Variants in DSE observed in about 807,000 individuals in gnomAD.
The protein encoded by DSE is dermatan-sulfate epimerase.
A neutral mutation model predicts 84.4 loss-of-function variants in DSE; 36 were observed. That is an observed-to-expected ratio of 0.43 (90% CI 0.33 to 0.56). The LOEUF (loss-of-function observed/expected upper bound fraction) is 0.56. Ranked by LOEUF, DSE falls within the 20% of genes least tolerant of loss-of-function variation. DSE has a pLI of 0.06. For synonymous variants in DSE, 410 were observed against 430.1 expected (o/e 0.95, Z 0.58); for missense variants, 862 against 1,169.6 (o/e 0.74, Z 3.84).
At chr6:116,265,687 C>T (rs1181240208) in intron 2 of DSE, among the ~76,000 whole-genome samples, 1 of 152,078 alleles carries the variant, frequency 6.6e-6, no homozygotes, top group Non-Finnish European at 1.5e-5. Flanking sequence ...CAGGAATGGC[C>T]AGGCTGGGGC....
intron 2 of DSE, among the ~76,000 whole-genome samples, chr6:116,346,821 A>C (rs1778007071): frequency 6.6e-6 from 1 of 152,228 alleles, no homozygotes; most frequent in African/African-American, 2.4e-5. Flanking sequence ...GAAAAGAGGA[A>C]GTCAAATTGT....
intron 2 of DSE, among the ~76,000 whole-genome samples, chr6:116,259,783 C>T (rs1009693590): frequency 1.3e-5 from 2 of 152,154 alleles, no homozygotes; most frequent in Non-Finnish European, 2.9e-5. Flanking sequence ...AGATAATGGC[C>T]TACAGCTCCA....
chr6:116,342,317 T>A (rs572241033), intron 2 of DSE, among the ~76,000 whole-genome samples: 11 of 148,626 alleles, frequency 7.4e-5, no homozygotes, highest in African/African-American at 2.7e-4. Context: ...TCTTGCTCTC[T>A]TGCCCAGAGC....
Position 116,371,023 on chromosome 6 carries a change from G to T in DSE, c.-152G>T, listed in dbSNP as rs1419188005. 7 of 985,628 alleles carry T rather than the reference G, an allele frequency of 7.1e-6. No homozygotes were observed. Among genetic ancestry groups the T allele is most frequent in the Non-Finnish European group, 8.4e-6 (7 of 830,262 alleles). 61.1% of individuals were successfully genotyped at this position (985,628 alleles called of 1,614,324 possible). A position where few individuals can be genotyped will look rare whatever the true frequency, so the allele number is the denominator to read the frequency against. ...GGGCGCGGAGGGCTCGGTTCGGAGG[G>T]GGCCGGGAGCCCGGGCGCCCTGGAG... On this transcript the variant is annotated 5_prime_UTR_variant, in exon 1 of 6. Coordinates refer to ENST00000644252, the MANE Select transcript of DSE (RefSeq NM_013352.4).
At chr6:116,342,364 C>A (rs1169264304) in intron 2 of DSE, among the ~76,000 whole-genome samples, 1 of 151,356 alleles carries the variant, frequency 6.6e-6, no homozygotes, top group East Asian at 1.9e-4. Context: ...CACTGCAAGC[C>A]TCTGCCTCCC....
At chr6:116,351,845 T>C (rs1307084879) in intron 2 of DSE, among the ~76,000 whole-genome samples, 1 of 152,222 alleles carries the variant, frequency 6.6e-6, no homozygotes, top group East Asian at 1.9e-4. Flanking sequence ...GAAAGCTCCC[T>C]GGTGAACTAT....
At chr6:116,298,915 G>A (rs1005708042) in intron 2 of DSE, among the ~76,000 whole-genome samples, 3 of 152,106 alleles carry the variant, frequency 2.0e-5, no homozygotes, top group African/African-American at 7.2e-5. Context: ...AATCGTTTTG[G>A]ATACCTCAGG....
intron 2 of DSE, chr6:116,400,411 A>C (rs1462644606): frequency 6.6e-6 from 1 of 152,216 alleles, no homozygotes; most frequent in East Asian, 1.9e-4. Context: ...ATTGCAATAA[A>C]AGAATTTACA....
chr6:116,270,190 T>C (rs1562192825), intron 2 of DSE, among the ~76,000 whole-genome samples: 1 of 152,176 alleles, frequency 6.6e-6, no homozygotes, highest in Non-Finnish European at 1.5e-5. Context: ...TTGCCTAATA[T>C]ACTCAGTGCT....
intron 1 of DSE, among the ~76,000 whole-genome samples, chr6:116,377,910 C>T (rs1281894080): frequency 1.3e-5 from 2 of 152,126 alleles, no homozygotes; most frequent in African/African-American, 2.4e-5. Flanking sequence ...TCTAGAATTT[C>T]ACAAATTCTG....
At chr6:116,279,736 T>C in intron 2 of DSE, 2 of 1,611,916 alleles carry the variant, frequency 1.2e-6, no homozygotes, top group Non-Finnish European at 1.7e-6. Context: ...CCTCAGGTAC[T>C]GGTGTGCGTC....
chr6:116,302,487 GTTT>G (rs1351865802), intron 2 of DSE, among the ~76,000 whole-genome samples: 1 of 151,886 alleles, frequency 6.6e-6, no homozygotes, highest in African/African-American at 2.4e-5. Context: ...GGGGTTGTTT[GTTT>G]TTTTCTTGTA....
chr6:116,410,259 T>C (rs1301089629), intron 2 of DSE, among the ~76,000 whole-genome samples: 5 of 152,198 alleles, frequency 3.3e-5, no homozygotes, highest in African/African-American at 4.8e-5. Context: ...AGTCACTCCC[T>C]GAAGCCCCTT....
chr6:116,354,733 A>C (rs1286206799), intron 2 of DSE, among the ~76,000 whole-genome samples: 8 of 152,154 alleles, frequency 5.3e-5, no homozygotes, highest in Non-Finnish European at 1.0e-4. Flanking sequence ...CATCTATATA[A>C]AAATTATAAT....
At position 116,435,699 on chromosome 6, in the gene DSE, A is replaced by G. The variant is rs1445577446; in HGVS notation, c.1231A>G (p.Asn411Asp). The G allele has an allele frequency of 1.2e-6, 2 of 1,614,030 alleles. No homozygotes were observed. The highest frequency in any genetic ancestry group is 1.7e-5 in the Admixed American group (1 of 60,004). ...TYGSALPAEI[N>D]RSFLSFKSGK... is the part of the protein sequence containing the mutation. ...TGGAAGTGCACTACCTGCAGAAATC[A>G]ATAGATCTTTCCTTTCCTTCAAGTC... The change falls in exon 6 of 6, where the codon AAT becomes GAT. Residue 411 changes from asparagine to aspartate, a missense_variant. Physicochemically the swap from Asn to Asp is conservative, Grantham distance 23 (BLOSUM62 1). Transcript: ENST00000644252.
intron 2 of DSE, among the ~76,000 whole-genome samples, chr6:116,318,094 A>G (rs1031392940): frequency 2.0e-5 from 3 of 152,338 alleles, no homozygotes. Context: ...GGACAAATAT[A>G]TATTGAGCAC....
intron 2 of DSE, among the ~76,000 whole-genome samples, chr6:116,259,509 C>T (rs1772312594): frequency 6.6e-6 from 1 of 151,964 alleles, no homozygotes; most frequent in African/African-American, 2.4e-5. Context: ...ATCTTTTTTC[C>T]CCACATTTTA....
At position 116,328,486 on chromosome 6, in the gene DSE, G is replaced by A. The variant is rs923725884; in HGVS notation, c.-54+69519G>A. 3.3e-5 allele frequency among the ~76,000 whole-genome samples: 5 copies of A among 152,122 alleles called. No homozygotes were observed. The South Asian group carries it at 8.3e-4, about 25-fold the overall frequency. On this transcript the variant is annotated intron_variant, in intron 2 of 3. Transcript: ENST00000430252. ...TGGGGTGCGAAGAGTTTCAGATACA[G>A]CCAGGAAATACCTCAAATGGCACTG...
Position 116,399,506 on chromosome 6 carries a change from C to G in DSE, c.256C>G (p.Leu86Val), listed in dbSNP as rs1328203126. ...HTMLSSPLEY[L>V]PPWDPKDYSA... ...GATGCTGTCCAGCCCCTTGGAATAC[C>G]TCCCTCCCTGGGATCCCAAGGACTA... is the stretch of plus-strand genomic sequence containing the variant. The change falls in exon 2 of 6, where the codon CTC becomes GTC. Residue 86 changes from leucine to valine, a missense_variant. Coordinates refer to ENST00000644252, the MANE Select transcript of DSE (RefSeq NM_013352.4). The G allele has an allele frequency of 6.2e-7, 1 of 1,614,222 alleles. No individual in the cohort carries two copies. The highest frequency in any genetic ancestry group is 1.1e-5 in the South Asian group (1 of 91,084).
Sources: allele counts gnomAD v4.1 joint callset (sites outside exome capture counted in the v4.1 genomes callset), GRCh38; gene constraint gnomAD v4.1.1; transcripts MANE v1.5; gene names NCBI Gene and HGNC (gene_info 2026-07-23, HGNC 2026-07-21).